MLIP: variants seen among roughly 807,000 people sequenced by gnomAD.
MLIP encodes muscular LMNA interacting protein.
MLIP carries 79 observed loss-of-function variants against 84.8 expected under a neutral mutation model. The observed-to-expected ratio is 0.93, with a 90% CI of 0.78 to 1.12. The LOEUF is 1.12. Ranked by LOEUF, MLIP falls within the 50% of genes most tolerant of loss-of-function variation. The probability of loss-of-function intolerance (pLI) is 0.00; values close to 1 mark genes in which losing one functional copy is unlikely to be tolerated. For synonymous variants in MLIP, 504 were observed against 463.0 expected (o/e 1.09, Z -1.14); for missense variants, 1,257 against 1,160.6 (o/e 1.08, Z -1.21).
chr6:54,108,401 T>G (rs946762543), upstream of MLIP, among the ~76,000 whole-genome samples: 1 of 152,224 alleles, frequency 6.6e-6, no homozygotes, highest in Non-Finnish European at 1.5e-5. Flanking sequence ...CATCCAAGAC[T>G]AGGACCCATT....
chr6:54,100,401 C>A (rs1768555285), intron 1 of MLIP, among the ~76,000 whole-genome samples: 1 of 151,996 alleles, frequency 6.6e-6, no homozygotes, highest in Non-Finnish European at 1.5e-5. Flanking sequence ...TGAAATTTTT[C>A]CTTCTTCCAT....
chr6:54,127,628 T>G (rs1771032535), intron 3 of MLIP, among the ~76,000 whole-genome samples: 1 of 152,218 alleles, frequency 6.6e-6, no homozygotes, highest in Non-Finnish European at 1.5e-5. Context: ...TTTTTACAGG[T>G]AAAGCCCATG....
chr6:54,239,052 G>C (rs1158218291), intron 12 of MLIP, among the ~76,000 whole-genome samples: 1 of 151,968 alleles, frequency 6.6e-6, no homozygotes, highest in Non-Finnish European at 1.5e-5. Context: ...TTTTATGCAA[G>C]GGCTAGTTCT....
In MLIP at chr6:54,137,902, C is replaced by T; in HGVS notation, c.1833C>T (p.Phe611=). The T allele has an allele frequency of 6.5e-7, 1 of 1,536,064 alleles. No individual in the cohort carries two copies. The highest frequency in any genetic ancestry group is 1.2e-5 in the South Asian group (1 of 84,056). The change falls in exon 4 of 14, where the codon TTC becomes TTT. Residue 611 remains phenylalanine, a synonymous_variant. Coordinates refer to ENST00000502396, the MANE Select transcript of MLIP (RefSeq NM_001281747.2). The part of the protein sequence containing the change: ...RATFSSSEKC[F]HPSPALSSLI... ...CGTTCTCTTCTTCAGAGAAATGTTT[C>T]CATCCTTCCCCAGCTCTTTCAAGCC...
intron 1 of MLIP, chr6:54,046,980 T>A (rs1283961928): frequency 6.6e-6 from 1 of 152,176 alleles, no homozygotes; most frequent in African/African-American, 2.4e-5. Context: ...ACTCTAAATT[T>A]GGAAATACAG....
chr6:54,230,613 C>A lies in MLIP; in HGVS notation c.2719-101C>A, dbSNP rs2275770. On this transcript the variant is annotated intron_variant, in intron 11 of 13. Coordinates refer to ENST00000502396, the MANE Select transcript of MLIP (RefSeq NM_001281747.2). The stretch of plus-strand genomic sequence containing the variant: ...CTCATGAGGAGAGGTTGTCTTCTTA[C>A]TGGTAAGAGATTCTGACCTATGTCT... The A allele has an allele frequency of 3.0e-6, 3 of 1,005,474 alleles. No individual in the cohort carries two copies. The African/African-American group carries it at 4.8e-5, about 16-fold the overall frequency. The allele number at this position is 1,005,474 out of a possible 1,614,324, so 62.3% of individuals were successfully genotyped here.
chr6:54,081,493 C>T (rs544409224), intron 1 of MLIP, among the ~76,000 whole-genome samples: 3 of 152,250 alleles, frequency 2.0e-5, no homozygotes, highest in Admixed American at 6.5e-5. Flanking sequence ...CTGCAACCTC[C>T]GCCTCCCAGG....
chr6:54,119,594 A>G (rs917689582), intron 1 of MLIP, among the ~76,000 whole-genome samples: 1 of 152,222 alleles, frequency 6.6e-6, no homozygotes, highest in Admixed American at 6.5e-5. Context: ...TTACAGTTAG[A>G]TAGAAGAAAT....
At chr6:54,164,064 G>T (rs921992012) in intron 8 of MLIP, among the ~76,000 whole-genome samples, 2 of 151,830 alleles carry the variant, frequency 1.3e-5, no homozygotes, top group African/African-American at 4.8e-5. Flanking sequence ...TTACAGAATT[G>T]CTCTATAGTT....
At chr6:54,223,277 T>C (rs541442764) in intron 11 of MLIP, among the ~76,000 whole-genome samples, 1 of 141,228 alleles carries the variant, frequency 7.1e-6, no homozygotes, top group East Asian at 2.1e-4. Flanking sequence ...TTTTGGTGTC[T>C]GTTCTTTTGC....
intron 4 of MLIP, among the ~76,000 whole-genome samples, chr6:54,143,306 C>T (rs1015378403): frequency 6.6e-6 from 1 of 151,586 alleles, no homozygotes; most frequent in Non-Finnish European, 1.5e-5. Flanking sequence ...CAACCTCTGC[C>T]TCCCAGGTTC....
At chr6:54,133,394 G>A (rs751289235) in intron 3 of MLIP, among the ~76,000 whole-genome samples, 4 of 152,142 alleles carry the variant, frequency 2.6e-5, no homozygotes, top group African/African-American at 4.8e-5. Context: ...TTAGGAGGCC[G>A]AGCTGCCATT....
intron 11 of MLIP, among the ~76,000 whole-genome samples, chr6:54,219,520 C>T (rs10948801): frequency 0.025 from 3,811 of 151,904 alleles, 155 homozygotes; most frequent in African/African-American, 0.084. Flanking sequence ...ACCAAAACAT[C>T]GTTATGCAGT....
chr6:54,087,865 A>G (rs1767608250), intron 1 of MLIP, among the ~76,000 whole-genome samples: 1 of 150,230 alleles, frequency 6.7e-6, no homozygotes, highest in Non-Finnish European at 1.5e-5. Context: ...GCTCTTTGCC[A>G]GAAGATCCAT....
intron 13 of MLIP, among the ~76,000 whole-genome samples, chr6:54,261,942 T>G (rs2150906647): frequency 6.6e-6 from 1 of 152,114 alleles, no homozygotes; most frequent in Non-Finnish European, 1.5e-5. Flanking sequence ...TACCTGTTGA[T>G]TAAAAGAAGA....
At chr6:54,145,707 T>TC (rs948076619) in intron 4 of MLIP, among the ~76,000 whole-genome samples, 1 of 151,804 alleles carries the variant, frequency 6.6e-6, no homozygotes, top group South Asian at 2.1e-4. Context: ...GCTCAGGAGT[T>TC]AGAGGCTGTA....
chr6:54,083,714 T>C, intron 1 of MLIP: 2 of 1,364,012 alleles, frequency 1.5e-6, no homozygotes, highest in Non-Finnish European at 2.0e-6. Context: ...GTATTTCTTA[T>C]TTCGTATTGC....
At chr6:54,264,226 G>A (rs1283778327) in intron 13 of MLIP, among the ~76,000 whole-genome samples, 1 of 151,980 alleles carries the variant, frequency 6.6e-6, no homozygotes, top group Non-Finnish European at 1.5e-5. Context: ...ATATTTCAGA[G>A]GGAACTTAGA....
intron 3 of MLIP, among the ~76,000 whole-genome samples, chr6:54,136,309 A>G (rs1429989887): frequency 6.6e-6 from 1 of 152,200 alleles, no homozygotes; most frequent in Non-Finnish European, 1.5e-5. Context: ...TTATTATAAT[A>G]TCATCCTTTA....
Sources: allele counts gnomAD v4.1 joint callset (sites outside exome capture counted in the v4.1 genomes callset), GRCh38; gene constraint gnomAD v4.1.1; transcripts MANE v1.5; gene names NCBI Gene and HGNC (gene_info 2026-07-23, HGNC 2026-07-21).